ZNF492: variants seen among roughly 807,000 people sequenced by gnomAD.
ZNF492 encodes zinc finger protein 492, also known as zinc finger protein 115 (Y20).
Under a neutral mutation model 6.4 loss-of-function variants are expected in ZNF492, and 3 were observed. The ratio of observed to expected loss-of-function variants is 0.47; its 90% CI spans 0.21 to 1.22. The LOEUF is 1.22. ZNF492 is among the 50% of genes most tolerant of loss of function. The probability of loss-of-function intolerance (pLI) is 0.22; values close to 1 mark genes in which losing one functional copy is unlikely to be tolerated. For missense variants in ZNF492, 356 were observed against 612.5 expected, an observed-to-expected ratio of 0.58 and a Z score of 4.42; for synonymous variants, 112 against 205.3, an observed-to-expected ratio of 0.55 and a Z score of 3.89.
chr19:22,664,851 A>T lies in ZNF492; in HGVS notation c.1182A>T (p.Lys394Asn). Residue 394 changes from lysine (K) to asparagine (N), a missense_variant, in exon 4 of 4, where the codon AAA becomes AAT. By Grantham distance (94) the Lys-to-Asn change is moderately conservative. This residue lies in a region of ZNF492 where 21 missense variants were observed against 55.3 expected (regional missense o/e 0.38). Coordinates refer to ENST00000456783, the MANE Select transcript of ZNF492 (RefSeq NM_020855.3). ...KRIHTGEKPY[K>N]CEECGKAFNL... is the part of the protein sequence containing the mutation. ...TTCATACTGGAGAGAAGCCCTACAA[A>T]TGTGAAGAATGTGGCAAAGCTTTTA... The T allele has an allele frequency of 6.2e-7, 1 of 1,610,350 alleles. No homozygotes were observed. Among genetic ancestry groups the T allele is most frequent in the East Asian group, 2.2e-5 (1 of 44,800 alleles).
chr19:22,665,524 A>T lies in ZNF492; in HGVS notation c.*259A>T. 1 of 640,442 alleles carries T rather than the reference A, an allele frequency of 1.6e-6. No homozygotes were observed. 39.7% of individuals were successfully genotyped at this position (640,442 alleles called of 1,614,324 possible). ...TATTAATAGCATTAAAAGTGCAATTACTGTCAAAAGAGTTCAAAAAATAAG... is the reference window on the plus strand; with the variant it reads ...TATTAATAGCATTAAAAGTGCAATTTCTGTCAAAAGAGTTCAAAAAATAAG... On this transcript the variant is annotated 3_prime_UTR_variant, in exon 4 of 4. Transcript: ENST00000456783.
At chr19:22,652,491 G>C (rs1346620451) in intron 1 of ZNF492, among the ~76,000 whole-genome samples, 1 of 151,658 alleles carries the variant, frequency 6.6e-6, no homozygotes, top group Admixed American at 6.6e-5. Context: ...CTGGATGTTT[G>C]ACAAAATAGT....
rs560184780 is a variant in ZNF492 at position 22,667,575 on chromosome 19, G to A, written c.*2310G>A. The A allele has an allele frequency of 3.9e-5, 6 of 151,942 alleles. No homozygotes were observed. In the East Asian group the frequency reaches 1.2e-3, roughly 29 times the overall value. The allele number at this position is 151,942 out of a possible 1,614,324, so 9.4% of individuals were successfully genotyped here. A position where few individuals can be genotyped will look rare whatever the true frequency, so the allele number is the denominator to read the frequency against. On this transcript the variant is annotated 3_prime_UTR_variant, in exon 4 of 4. Transcript: ENST00000456783. ...TTTAGTTTTTTTAAAATATACGATT[G>A]TTATTGACTACAGGGTTATTTTTAT...
chr19:22,641,940 C>T (rs1399981809), intron 1 of ZNF492, among the ~76,000 whole-genome samples: 3 of 152,040 alleles, frequency 2.0e-5, no homozygotes, highest in African/African-American at 7.2e-5. Context: ...ACTACAGGCG[C>T]CTGCCACCAT....
rs1231940189 is a variant in ZNF492, at chr19:22,667,400, T to C, written c.*2135T>C. ...ATTTTTTCCCATTTAAATTTACTTT[T>C]GTTAGTTTTTTCAGGCATATAATAT... is the stretch of plus-strand genomic sequence containing the variant. On this transcript the variant is annotated 3_prime_UTR_variant, in exon 4 of 4. Transcript: ENST00000456783. 1 of 152,096 alleles carries C rather than the reference T, an allele frequency of 6.6e-6. No homozygotes were observed. The highest frequency in any genetic ancestry group is 1.5e-5 in the Non-Finnish European group (1 of 68,020). 9.4% of individuals were successfully genotyped at this position (152,096 alleles called of 1,614,324 possible).
In ZNF492 at chr19:22,653,347, T is replaced by A. The variant is rs4346316; in HGVS notation, c.-53T>A. 0.015 allele frequency: 24,700 copies of A among 1,612,756 alleles called. 2,992 individuals carry two copies. In the African/African-American group the frequency reaches 0.28, roughly 18 times the overall value. On this transcript the variant is annotated 5_prime_UTR_variant, in exon 2 of 4. Transcript: ENST00000456783. ...AGGGATGTGGCCATAGAATTCTCTCTGGAGGAGTGGCAATGCCTGGACACC... is the reference window on the plus strand; with the variant it reads ...AGGGATGTGGCCATAGAATTCTCTCAGGAGGAGTGGCAATGCCTGGACACC...
chr19:22,653,326 A>T lies in ZNF492; in HGVS notation c.-74A>T. ...TTTCAGGGAGTGTTGACATTTAGGG[A>T]TGTGGCCATAGAATTCTCTCTGGAG... On this transcript the variant is annotated 5_prime_UTR_variant, in exon 2 of 4. It removes an upstream start codon present in the reference 5' UTR. Coordinates refer to ENST00000456783, the MANE Select transcript of ZNF492 (RefSeq NM_020855.3). 1 of 1,613,438 alleles carries T rather than the reference A, an allele frequency of 6.2e-7. No individual in the cohort carries two copies. Among genetic ancestry groups the T allele is most frequent in the Non-Finnish European group, 8.5e-7 (1 of 1,179,858 alleles).
Position 22,652,251 on chromosome 19 carries a change from C to T in ZNF492, c.-93-1056C>T, listed in dbSNP as rs1287851943. Reference sequence around the variant, plus strand: ...TTTTTTTTTTTTTGAGACGGAGTCTCGCTCTGTCGCCCAGGCCGGACTGCG... The same window carrying T: ...TTTTTTTTTTTTTGAGACGGAGTCTTGCTCTGTCGCCCAGGCCGGACTGCG... On this transcript the variant is annotated intron_variant, in intron 1 of 3. Transcript: ENST00000456783. 2.1e-4 allele frequency among the ~76,000 whole-genome samples: 18 copies of T among 87,008 alleles called. 1 individual carries two copies. Among genetic ancestry groups the T allele is most frequent in the African/African-American group, 9.5e-4 (8 of 8,454 alleles). 57.1% of individuals were successfully genotyped at this position (87,008 alleles called of 152,430 possible). A position where few individuals can be genotyped will look rare whatever the true frequency, so the allele number is the denominator to read the frequency against.
intron 1 of ZNF492, among the ~76,000 whole-genome samples, chr19:22,637,874 G>T (rs1288399386): frequency 6.6e-6 from 1 of 152,060 alleles, no homozygotes; most frequent in Non-Finnish European, 1.5e-5. Flanking sequence ...CTGTAACCTT[G>T]CCAGCATCTG....
Position 22,653,936 on chromosome 19 carries a change from G to A in ZNF492, c.51G>A (p.Lys17=). ...ATAAAACAGGTATTGCTGCCTCTAA[G>A]CCAGACCTGATCACCTGTCTGGAGC... ...NLVFVGIAAS[K]PDLITCLEQG... is the part of the protein sequence containing the mutation. Residue 17 remains lysine (K), a synonymous_variant, in exon 3 of 4, where the codon AAG becomes AAA. Coordinates refer to ENST00000456783, the MANE Select transcript of ZNF492 (RefSeq NM_020855.3). The A allele has an allele frequency of 2.5e-6, 4 of 1,591,084 alleles. No homozygotes were observed. Among genetic ancestry groups the A allele is most frequent in the Non-Finnish European group, 3.4e-6 (4 of 1,174,594 alleles).
rs184617169 is a variant in ZNF492, at chr19:22,642,490, C to T, written c.-94+8016C>T. On this transcript the variant is annotated intron_variant, in intron 1 of 3. Transcript: ENST00000456783. ...CTGCAAGCTCTGCCTCCCGGGTTCA[C>T]GCCATTCTGCTGCCTCAGCCTCCTG... is the stretch of plus-strand genomic sequence containing the variant. Among the ~76,000 whole-genome samples the T allele has an allele frequency of 1.7e-3, 218 of 131,148 alleles. 44 individuals carry two copies. Among genetic ancestry groups the T allele is most frequent in the African/African-American group, 7.1e-3 (209 of 29,520 alleles). The allele number at this position is 131,148 out of a possible 152,430, so 86.0% of individuals were successfully genotyped here.
chr19:22,658,258 A>G, intron 3 of ZNF492, among the ~76,000 whole-genome samples: 1 of 151,686 alleles, frequency 6.6e-6, no homozygotes, highest in Non-Finnish European at 1.5e-5. Context: ...TCATCTCTGT[A>G]AAGCATTTTA....
chr19:22,658,207 G>A (rs1972016709), intron 3 of ZNF492, among the ~76,000 whole-genome samples: 2 of 151,968 alleles, frequency 1.3e-5, no homozygotes, highest in South Asian at 4.1e-4. Context: ...GGAAGACTGA[G>A]CCCAAAAGCT....
chr19:22,659,591 C>CAG lies in ZNF492; in HGVS notation c.131-4195_131-4194dup, dbSNP rs71180579. Among the ~76,000 whole-genome samples the CAG allele has an allele frequency of 1.4e-3, 205 of 144,674 alleles. 2 individuals carry two copies. Among genetic ancestry groups the CAG allele is most frequent in the Non-Finnish European group, 2.0e-3 (133 of 67,226 alleles). 94.9% of individuals were successfully genotyped at this position (144,674 alleles called of 152,430 possible). A position where few individuals can be genotyped will look rare whatever the true frequency, so the allele number is the denominator to read the frequency against. On this transcript the variant is annotated intron_variant, in intron 3 of 3. Coordinates refer to ENST00000456783, the MANE Select transcript of ZNF492 (RefSeq NM_020855.3). ...ACACACACACACACACACACACACA[C>CAG]AGAGAGAGAGAGAGACGTGTATACA...
intron 1 of ZNF492, among the ~76,000 whole-genome samples, chr19:22,636,789 ACG>A (rs1971771065): frequency 1.3e-5 from 2 of 148,292 alleles, no homozygotes; most frequent in East Asian, 4.0e-4. Context: ...ATGCGCCACC[ACG>A]CCCAGCTAAT....
intron 3 of ZNF492, among the ~76,000 whole-genome samples, chr19:22,656,282 C>A (rs954073507): frequency 1.3e-5 from 2 of 148,990 alleles, no homozygotes; most frequent in Non-Finnish European, 3.0e-5. Flanking sequence ...TGGCTTGTTA[C>A]AAGGGGCTTA....
rs71236900 is a variant in ZNF492, at chr19:22,664,270, G to C, written c.601G>C (p.Glu201Gln). The C allele has an allele frequency of 0.13, 203,646 of 1,586,016 alleles. 13,619 individuals are homozygous for C. Among genetic ancestry groups the C allele is most frequent in the African/African-American group, 0.35 (25,144 of 72,328 alleles). The stretch of plus-strand genomic sequence containing the variant: ...TGGAAAGAAACCCTACAAATGCGAA[G>C]AGTGTGGAAAAGCCTTTAACCGGCT... ...HTGKKPYKCE[E>Q]CGKAFNRLSH... Residue 201 changes from glutamate (E) to glutamine (Q), a missense_variant, in exon 4 of 4, where the codon GAG becomes CAG. By Grantham distance (29) the Glu-to-Gln change is conservative. This residue lies in a region of ZNF492 where 21 missense variants were observed against 43.4 expected (regional missense o/e 0.48). Transcript: ENST00000456783.
At chr19:22,656,854 G>C in intron 3 of ZNF492, among the ~76,000 whole-genome samples, 1 of 152,046 alleles carries the variant, frequency 6.6e-6, no homozygotes, top group Non-Finnish European at 1.5e-5. Flanking sequence ...AGCTCTTTAA[G>C]GGCACTTATT....
At position 22,643,346 on chromosome 19, in the gene ZNF492, A is replaced by G. The variant is rs560268285; in HGVS notation, c.-94+8872A>G. ...TATTGCTGCTTTCTGTTTTCTCTGT[A>G]AACTTTAAAAAGCCAACAAAGATTA... On this transcript the variant is annotated intron_variant, in intron 1 of 3. Transcript: ENST00000456783. Among the ~76,000 whole-genome samples, 251 of 152,314 alleles carry G rather than the reference A, an allele frequency of 1.6e-3. 1 individual carries two copies. The highest frequency in any genetic ancestry group is 5.8e-3 in the African/African-American group (242 of 41,566).
Sources: allele counts gnomAD v4.1 joint callset (sites outside exome capture counted in the v4.1 genomes callset), GRCh38; gene constraint gnomAD v4.1.1; regional missense constraint gnomAD v4.1.1; transcripts MANE v1.5; gene names NCBI Gene and HGNC (gene_info 2026-07-23, HGNC 2026-07-21).